Variants in CDH12 observed in about 807,000 individuals in gnomAD.
The protein encoded by CDH12 is cadherin-12.
In CDH12, 41 loss-of-function variants were observed where a neutral mutation model predicts 74.1. That is an observed-to-expected ratio of 0.55 (90% confidence interval 0.43 to 0.72). The LOEUF (loss-of-function observed/expected upper bound fraction) is 0.72. Ranked by LOEUF, CDH12 falls within the 30% of genes least tolerant of loss-of-function variation. CDH12 has a pLI of 0.00. For missense variants in CDH12, 945 were observed against 977.2 expected (o/e 0.97, Z 0.44); for synonymous variants, 399 against 355.0 (o/e 1.12, Z -1.39).
At chr5:22,230,830 T>C (rs1752357227) in intron 3 of CDH12, among the ~76,000 whole-genome samples, 1 of 152,086 alleles carries the variant, frequency 6.6e-6, no homozygotes, top group African/African-American at 2.4e-5. Context: ...TTTGCCCATC[T>C]CCTCTACTTC....
At chr5:22,064,306 C>G (rs1372415889) in intron 5 of CDH12, among the ~76,000 whole-genome samples, 1 of 152,110 alleles carries the variant, frequency 6.6e-6, no homozygotes, top group Non-Finnish European at 1.5e-5. Context: ...CCTGTGGATA[C>G]TGAGGGAGGA....
intron 3 of CDH12, among the ~76,000 whole-genome samples, chr5:22,219,039 G>T (rs114034462): frequency 0.025 from 3,860 of 151,550 alleles, 72 homozygotes; most frequent in African/African-American, 0.052. Context: ...GGGAAATAAG[G>T]TGCCATTTCA....
intron 2 of CDH12, among the ~76,000 whole-genome samples, chr5:22,464,595 T>G (rs1264755934): frequency 6.6e-6 from 1 of 152,176 alleles, no homozygotes; most frequent in African/African-American, 2.4e-5. Flanking sequence ...CACTACAAAC[T>G]CTTCTCCTCA....
chr5:21,867,584 G>C (rs894544271), intron 6 of CDH12, among the ~76,000 whole-genome samples: 7 of 152,116 alleles, frequency 4.6e-5, no homozygotes, highest in Non-Finnish European at 2.9e-5. Context: ...GCTGGATTTT[G>C]AACTTGCTTG....
At chr5:22,459,437 A>G (rs1443978447) in intron 2 of CDH12, among the ~76,000 whole-genome samples, 3 of 152,210 alleles carry the variant, frequency 2.0e-5, no homozygotes, top group Non-Finnish European at 4.4e-5. Context: ...CAAAAAATGC[A>G]ATAATATATC....
intron 1 of CDH12, among the ~76,000 whole-genome samples, chr5:22,795,253 T>C (rs1459519033): frequency 1.3e-5 from 2 of 152,160 alleles, no homozygotes; most frequent in Non-Finnish European, 2.9e-5. Flanking sequence ...TGTCAAGAGA[T>C]GACGATGGGA....
At chr5:22,078,106 T>C (rs997031078) in intron 5 of CDH12, among the ~76,000 whole-genome samples, 1 of 152,128 alleles carries the variant, frequency 6.6e-6, no homozygotes, top group African/African-American at 2.4e-5. Flanking sequence ...AAAAATGATA[T>C]AACTATACTG....
rs1008770792 is a variant in CDH12, at chr5:22,801,684, T to C, written c.-523+51374A>G. On this transcript the variant is annotated intron_variant, in intron 1 of 14. Coordinates refer to ENST00000382254, the MANE Select transcript of CDH12 (RefSeq NM_004061.5). ...ATATATATATATATATATATATATA[T>C]ACACTTTGTTTAATAGGGAGAACAC... is the stretch of plus-strand genomic sequence containing the variant. Among the ~76,000 whole-genome samples the C allele has an allele frequency of 4.1e-3, 370 of 89,264 alleles. 5 individuals carry two copies. The highest frequency in any genetic ancestry group is 4.9e-3 in the Non-Finnish European group (246 of 50,594). 58.6% of individuals were successfully genotyped at this position (89,264 alleles called of 152,430 possible).
At chr5:22,751,066 AGTT>A (rs879491811) in intron 1 of CDH12, among the ~76,000 whole-genome samples, 25 of 151,978 alleles carry the variant, frequency 1.6e-4, no homozygotes, top group Non-Finnish European at 1.5e-4. Flanking sequence ...TACTGAGAAC[AGTT>A]GTTAAGTAGA....
At chr5:21,812,141 G>A (rs1183542878) in intron 9 of CDH12, among the ~76,000 whole-genome samples, 1 of 151,968 alleles carries the variant, frequency 6.6e-6, no homozygotes. Flanking sequence ...GTATTCTTAA[G>A]TGCGTTAAAA....
chr5:22,097,516 T>A (rs990887945), intron 4 of CDH12, among the ~76,000 whole-genome samples: 1 of 152,108 alleles, frequency 6.6e-6, no homozygotes, highest in African/African-American at 2.4e-5. Flanking sequence ...ATCTTTAAAC[T>A]CCCCAACTCT....
chr5:22,666,349 G>C (rs1740621051), intron 1 of CDH12, among the ~76,000 whole-genome samples: 3 of 142,224 alleles, frequency 2.1e-5, no homozygotes, highest in Admixed American at 1.5e-4. Flanking sequence ...GAGTGCAGTG[G>C]CACGATCTCG....
At chr5:22,578,363 A>C (rs559162367) in intron 1 of CDH12, among the ~76,000 whole-genome samples, 2 of 133,502 alleles carry the variant, frequency 1.5e-5, no homozygotes, top group African/African-American at 5.9e-5. Context: ...AACTATTAAT[A>C]TTTTAAACCA....
intron 4 of CDH12, among the ~76,000 whole-genome samples, chr5:22,154,644 A>T (rs940031326): frequency 5.5e-5 from 6 of 109,466 alleles, no homozygotes; most frequent in African/African-American, 1.8e-4. Context: ...GTATACATGT[A>T]TATATACACA....
intron 1 of CDH12, among the ~76,000 whole-genome samples, chr5:22,607,189 A>G (rs1737161060): frequency 6.6e-6 from 1 of 152,180 alleles, no homozygotes; most frequent in African/African-American, 2.4e-5. Flanking sequence ...TTTTCTGGGG[A>G]GAAATTCAAG....
intron 6 of CDH12, among the ~76,000 whole-genome samples, chr5:21,858,761 T>C (rs1017470615): frequency 6.6e-6 from 1 of 151,928 alleles, no homozygotes; most frequent in Non-Finnish European, 1.5e-5. Context: ...AGATTTTAGA[T>C]GGTAATCAGG....
At chr5:22,786,073 A>G (rs1338837855) in intron 1 of CDH12, among the ~76,000 whole-genome samples, 2 of 152,180 alleles carry the variant, frequency 1.3e-5, no homozygotes, top group African/African-American at 4.8e-5. Context: ...TTAAATGCCT[A>G]TCAATGGAAG....
chr5:22,289,172 T>C (rs1267090623), intron 3 of CDH12, among the ~76,000 whole-genome samples: 2 of 152,186 alleles, frequency 1.3e-5, no homozygotes, highest in African/African-American at 4.8e-5. Context: ...TTAAAGTGCT[T>C]ATCAAGTCCC....
chr5:21,922,062 T>C (rs1227770358), intron 6 of CDH12, among the ~76,000 whole-genome samples: 4 of 152,150 alleles, frequency 2.6e-5, no homozygotes, highest in Admixed American at 2.6e-4. Context: ...TCAAATAAGG[T>C]AGAAACGTCT....
Sources: allele counts gnomAD v4.1 joint callset (sites outside exome capture counted in the v4.1 genomes callset), GRCh38; gene constraint gnomAD v4.1.1; transcripts MANE v1.5; gene names NCBI Gene and HGNC (gene_info 2026-07-23, HGNC 2026-07-21).